TTLL5: variants seen among roughly 807,000 people sequenced by gnomAD.
The protein encoded by TTLL5 is tubulin polyglutamylase TTLL5.
TTLL5 carries 132 observed loss-of-function variants against 168.4 expected under a neutral mutation model. That is an observed-to-expected ratio of 0.78 (90% confidence interval 0.68 to 0.91). TTLL5 has a LOEUF of 0.91. TTLL5 is among the 40% of genes least tolerant of loss of function. The pLI is 0.00. For missense variants in TTLL5, 1,545 were observed against 1,581.5 expected, an observed-to-expected ratio of 0.98 and a Z score of 0.39; for synonymous variants, 546 against 558.6, an observed-to-expected ratio of 0.98 and a Z score of 0.32.
At chr14:75,667,751 G>GTTTTTTTTTTTT (rs67181555) in intron 2 of TTLL5, among the ~76,000 whole-genome samples, 87 of 89,094 alleles carry the variant, frequency 9.8e-4, no homozygotes, top group South Asian at 1.7e-3. Flanking sequence ...ATCTTTTTAT[G>GTTTTTTTTTTTT]TTTTTTTTTT....
At chr14:75,949,882 T>C (rs567060772) in intron 31 of TTLL5, among the ~76,000 whole-genome samples, 75 of 152,136 alleles carry the variant, frequency 4.9e-4, no homozygotes, top group African/African-American at 1.7e-3. Context: ...AGTTACAGTT[T>C]TGTAAAGATA....
intron 29 of TTLL5, among the ~76,000 whole-genome samples, chr14:75,871,091 G>C (rs1011059315): frequency 6.6e-6 from 1 of 152,056 alleles, no homozygotes; most frequent in Non-Finnish European, 1.5e-5. Flanking sequence ...CACCACGCCC[G>C]GCCTATGCTT....
intron 20 of TTLL5, 24 bp from the exon 21 acceptor site, chr14:75,771,710 G>A (rs530359265): frequency 1.3e-5 from 21 of 1,612,940 alleles, no homozygotes; most frequent in Middle Eastern, 1.7e-4. Flanking sequence ...TCACATAACG[G>A]TATGTTGTTT....
At chr14:75,694,945 A>G (rs1885732420) in intron 6 of TTLL5, among the ~76,000 whole-genome samples, 1 of 152,172 alleles carries the variant, frequency 6.6e-6, no homozygotes, top group Admixed American at 6.5e-5. Flanking sequence ...TAACTGCACA[A>G]ATTGTTCGTA....
Position 75,666,303 on chromosome 14 carries a change from C to T in TTLL5, c.74+3080C>T, listed in dbSNP as rs150447215. 4.2e-3 allele frequency among the ~76,000 whole-genome samples: 634 copies of T among 152,326 alleles called. 5 individuals are homozygous for T. The highest frequency in any genetic ancestry group is 0.014 in the African/African-American group (583 of 41,560). ...GCTGTGTTAAAGTATTAATTCCTTGCAATCGTGGACTTCAGGAATAGAAAC... is the reference window on the plus strand; with the variant it reads ...GCTGTGTTAAAGTATTAATTCCTTGTAATCGTGGACTTCAGGAATAGAAAC... On this transcript the variant is annotated intron_variant, in intron 2 of 31. Transcript: ENST00000298832.
intron 27 of TTLL5, among the ~76,000 whole-genome samples, chr14:75,813,350 G>A (rs1032345581): frequency 8.6e-5 from 13 of 151,196 alleles, no homozygotes; most frequent in African/African-American, 3.2e-4. Flanking sequence ...TATCCAGGCT[G>A]GAGTGCAGTG....
chr14:75,689,151 T>C (rs896196350), intron 5 of TTLL5, among the ~76,000 whole-genome samples: 2 of 152,200 alleles, frequency 1.3e-5, no homozygotes, highest in Non-Finnish European at 2.9e-5. Context: ...GCACTTGGCC[T>C]TATGAAAAAG....
At chr14:75,795,314 TAA>T (rs1892941940) in intron 27 of TTLL5, among the ~76,000 whole-genome samples, 1 of 152,242 alleles carries the variant, frequency 6.6e-6, no homozygotes. Context: ...CTTTCAATAG[TAA>T]ATGGCTTCTA....
chr14:75,811,163 G>GTA (rs368757419), intron 27 of TTLL5, among the ~76,000 whole-genome samples: 4 of 136,558 alleles, frequency 2.9e-5, no homozygotes, highest in African/African-American at 8.5e-5. Context: ...AAGAGTGTGT[G>GTA]TGTGTGTGTG....
At chr14:75,883,551 TG>T (rs998121812) in intron 30 of TTLL5, among the ~76,000 whole-genome samples, 2 of 152,238 alleles carry the variant, frequency 1.3e-5, no homozygotes, top group African/African-American at 4.8e-5. Flanking sequence ...GTATTTCTCT[TG>T]CTGTCATTGA....
At chr14:75,723,123 C>T (rs1172173391) in intron 12 of TTLL5, among the ~76,000 whole-genome samples, 1 of 152,012 alleles carries the variant, frequency 6.6e-6, no homozygotes, top group Non-Finnish European at 1.5e-5. Context: ...TGCATGGCAG[C>T]ACTTTTTTTT....
In TTLL5 at chr14:75,819,982, G is replaced by T. The variant is rs759102235; in HGVS notation, c.3172-25G>T. The T allele has an allele frequency of 3.8e-6, 6 of 1,578,732 alleles. No homozygotes were observed. In the South Asian group the frequency reaches 7.1e-5, roughly 19 times the overall value. On this transcript the variant is annotated intron_variant, in intron 27 of 31. Transcript: ENST00000298832. The stretch of plus-strand genomic sequence containing the variant: ...CTTTTTAAAAACTCTGTAAAGTCAG[G>T]TTATTTCCCTCGCTTTATTTCTAGG...
intron 29 of TTLL5, among the ~76,000 whole-genome samples, chr14:75,871,274 G>T (rs926089354): frequency 1.3e-5 from 2 of 152,112 alleles, no homozygotes; most frequent in South Asian, 4.1e-4. Flanking sequence ...AAATGAACAC[G>T]CAGTAAATGC....
chr14:75,749,462 C>T (rs1377531187), intron 17 of TTLL5, among the ~76,000 whole-genome samples: 1 of 152,130 alleles, frequency 6.6e-6, no homozygotes, highest in Non-Finnish European at 1.5e-5. Context: ...TAACTGTCTA[C>T]AAGCAAATGC....
intron 17 of TTLL5, among the ~76,000 whole-genome samples, chr14:75,749,133 TTA>T (rs906596477): frequency 6.6e-6 from 1 of 152,046 alleles, no homozygotes; most frequent in African/African-American, 2.4e-5. Context: ...TTCTTGAAAA[TTA>T]TATATATATG....
chr14:75,713,538 C>T (rs1285484159), intron 9 of TTLL5, among the ~76,000 whole-genome samples: 1 of 152,116 alleles, frequency 6.6e-6, no homozygotes, highest in Non-Finnish European at 1.5e-5. Context: ...TCCTGGGGTA[C>T]CTAGTAAATA....
At chr14:75,709,931 G>T (rs1886946482) in intron 9 of TTLL5, 3 of 147,904 alleles carry the variant, frequency 2.0e-5, no homozygotes, top group African/African-American at 7.7e-5. Flanking sequence ...TCTCAGATAT[G>T]CAAGGTTCTG....
chr14:75,681,408 A>G, intron 3 of TTLL5, 137 bp from the exon 4 acceptor site: 1 of 669,812 alleles, frequency 1.5e-6, no homozygotes, highest in Non-Finnish European at 2.5e-6. Flanking sequence ...ATGGTCCAAA[A>G]TACGTTCAAC....
chr14:75,725,374 T>C (rs1171470124), intron 12 of TTLL5, among the ~76,000 whole-genome samples: 1 of 152,216 alleles, frequency 6.6e-6, no homozygotes, highest in African/African-American at 2.4e-5. Context: ...CCTGTTTAGA[T>C]GGGAAAGGAA....
Sources: gnomAD v4.1 joint callset for allele counts (sites outside exome capture counted in the v4.1 genomes callset) on GRCh38, gnomAD v4.1.1 for gene constraint, MANE v1.5 for transcripts, NCBI Gene and HGNC (gene_info 2026-07-23, HGNC 2026-07-21) for gene names.